Variants in SGCZ observed in about 807,000 individuals in gnomAD.
SGCZ encodes sarcoglycan zeta, also known as zeta-sarcoglycan.
In SGCZ, 40 loss-of-function variants were observed where a neutral mutation model predicts 41.3. That is an observed-to-expected ratio of 0.97 (90% CI 0.75 to 1.26). SGCZ has a LOEUF of 1.26. Ranked by LOEUF, SGCZ falls within the 50% of genes most tolerant of loss-of-function variation. The pLI, the probability that SGCZ is intolerant of heterozygous loss-of-function variation, is 0.00. For synonymous variants in SGCZ, 206 were observed against 137.5 expected (o/e 1.50, Z -3.49); for missense variants, 552 against 369.8 (o/e 1.49, Z -4.04).
chr8:14,850,811 A>C (rs1346672080), intron 1 of SGCZ, among the ~76,000 whole-genome samples: 2 of 152,172 alleles, frequency 1.3e-5, no homozygotes, highest in East Asian at 2.0e-4. Context: ...TGACAGTTTT[A>C]AAAGAGGATC....
intron 1 of SGCZ, among the ~76,000 whole-genome samples, chr8:15,204,172 G>T (rs934722312): frequency 6.6e-6 from 1 of 152,064 alleles, no homozygotes; most frequent in Non-Finnish European, 1.5e-5. Flanking sequence ...TATATCCAAT[G>T]GTAATAAAGA....
chr8:14,262,595 G>GAT (rs202016697), intron 3 of SGCZ, among the ~76,000 whole-genome samples: 20 of 150,768 alleles, frequency 1.3e-4, no homozygotes, highest in Admixed American at 2.0e-4. Flanking sequence ...ATTATAAAAG[G>GAT]ATATATATAT....
At chr8:14,186,574 C>G (rs1351552801) in intron 4 of SGCZ, among the ~76,000 whole-genome samples, 6 of 152,168 alleles carry the variant, frequency 3.9e-5, no homozygotes, top group Non-Finnish European at 8.8e-5. Flanking sequence ...ATAACAAGTG[C>G]TTAGTTCCTA....
intron 1 of SGCZ, among the ~76,000 whole-genome samples, chr8:14,567,152 C>T (rs1442093768): frequency 6.6e-6 from 1 of 152,128 alleles, no homozygotes; most frequent in Non-Finnish European, 1.5e-5. Context: ...GGCGTCGGAG[C>T]CCCCCCAGGG....
chr8:15,107,682 C>T (rs1391326148), intron 1 of SGCZ, among the ~76,000 whole-genome samples: 3 of 152,102 alleles, frequency 2.0e-5, no homozygotes, highest in African/African-American at 7.2e-5. Flanking sequence ...TTTTAAGTTA[C>T]CCAGCCTCAG....
intron 5 of SGCZ, among the ~76,000 whole-genome samples, chr8:14,142,501 A>T (rs1803402320): frequency 6.6e-6 from 1 of 152,110 alleles, no homozygotes; most frequent in Admixed American, 6.5e-5. Flanking sequence ...TAGGCACTTT[A>T]TGTATTTCCT....
intron 1 of SGCZ, among the ~76,000 whole-genome samples, chr8:15,235,041 G>A (rs1802077516): frequency 6.6e-6 from 1 of 152,120 alleles, no homozygotes; most frequent in South Asian, 2.1e-4. Flanking sequence ...GATAAGAAAA[G>A]TCAAAACATG....
chr8:14,325,053 G>C (rs1802045892), intron 2 of SGCZ, among the ~76,000 whole-genome samples: 1 of 152,094 alleles, frequency 6.6e-6, no homozygotes, highest in Non-Finnish European at 1.5e-5. Context: ...GCCGGAGAAA[G>C]GAAAGCCATA....
At chr8:14,768,043 T>A (rs1035021355) in intron 1 of SGCZ, among the ~76,000 whole-genome samples, 8 of 152,212 alleles carry the variant, frequency 5.3e-5, no homozygotes, top group African/African-American at 1.7e-4. Context: ...TTAAATTTTG[T>A]GTTTCCAGAA....
At chr8:14,306,904 G>T (rs969438172) in intron 3 of SGCZ, among the ~76,000 whole-genome samples, 6 of 152,106 alleles carry the variant, frequency 3.9e-5, no homozygotes, top group African/African-American at 1.4e-4. Context: ...ATAAAAAGCA[G>T]ACAGAAAATG....
intron 1 of SGCZ, among the ~76,000 whole-genome samples, chr8:14,578,276 T>C (rs1359003905): frequency 6.6e-6 from 1 of 152,188 alleles, no homozygotes; most frequent in Non-Finnish European, 1.5e-5. Context: ...CATGCACCTT[T>C]TCCCTAATCC....
At chr8:14,633,667 T>A (rs976104140) in intron 1 of SGCZ, among the ~76,000 whole-genome samples, 1 of 151,902 alleles carries the variant, frequency 6.6e-6, no homozygotes, top group Non-Finnish European at 1.5e-5. Context: ...TCTTACTTAT[T>A]TGTATACCTC....
chr8:14,338,535 G>C (rs1802580948), intron 2 of SGCZ, among the ~76,000 whole-genome samples: 1 of 152,110 alleles, frequency 6.6e-6, no homozygotes. Context: ...GTCACAGCTT[G>C]ATTTCTCTCT....
chr8:14,432,253 G>A (rs1379637142), intron 2 of SGCZ, among the ~76,000 whole-genome samples: 6 of 152,050 alleles, frequency 3.9e-5, no homozygotes, highest in Non-Finnish European at 5.9e-5. Context: ...AGCACAATTC[G>A]CAATTGCAAA....
At chr8:14,104,003 T>C (rs1802125026) in intron 6 of SGCZ, among the ~76,000 whole-genome samples, 1 of 152,192 alleles carries the variant, frequency 6.6e-6, no homozygotes, top group African/African-American at 2.4e-5. Context: ...CAATTAAATG[T>C]TGTCCCACTT....
At chr8:14,343,240 G>C (rs13251296) in intron 2 of SGCZ, among the ~76,000 whole-genome samples, 32,286 of 152,096 alleles carry the variant, frequency 0.21, 3,917 homozygotes, top group Non-Finnish European at 0.29. Context: ...AGGGAAATGT[G>C]GGGTCAGAGC....
chr8:14,972,451 T>C (rs971505423), intron 1 of SGCZ, among the ~76,000 whole-genome samples: 2 of 152,206 alleles, frequency 1.3e-5, no homozygotes, highest in African/African-American at 4.8e-5. Flanking sequence ...TTGACATTTA[T>C]AAAGAATGAC....
At chr8:15,130,533 T>C (rs1807858834) in intron 1 of SGCZ, among the ~76,000 whole-genome samples, 1 of 152,210 alleles carries the variant, frequency 6.6e-6, no homozygotes, top group South Asian at 2.1e-4. Context: ...GCTAAACAGT[T>C]TTTAGAAATG....
At chr8:14,636,292 G>C (rs1362732814) in intron 1 of SGCZ, among the ~76,000 whole-genome samples, 1 of 151,670 alleles carries the variant, frequency 6.6e-6, no homozygotes, top group Admixed American at 6.6e-5. Context: ...GTTTTAAGGA[G>C]GAAGATAAAA....
Sources: allele counts gnomAD v4.1 joint callset (sites outside exome capture counted in the v4.1 genomes callset), GRCh38; gene constraint gnomAD v4.1.1; transcripts MANE v1.5; gene names NCBI Gene and HGNC (gene_info 2026-07-23, HGNC 2026-07-21).